NFIA: variants seen among roughly 807,000 people sequenced by gnomAD.
NFIA encodes nuclear factor I A.
A neutral mutation model predicts 62.8 loss-of-function variants in NFIA; 8 were observed. That is an observed-to-expected ratio of 0.13 (90% CI 0.07 to 0.23). The LOEUF is 0.23. Among genes scored for constraint, NFIA ranks in the 10% least tolerant of loss-of-function variants. The pLI, the probability that NFIA is intolerant of heterozygous loss-of-function variation, is 1.00. For missense variants in NFIA, 410 were observed against 642.1 expected (o/e 0.64, Z 3.91); for synonymous variants, 235 against 238.1 (o/e 0.99, Z 0.12).
At chr1:61,329,720 A>G (rs1035700138) in intron 3 of NFIA, among the ~76,000 whole-genome samples, 22 of 152,160 alleles carry the variant, frequency 1.4e-4, no homozygotes, top group African/African-American at 5.3e-4. Context: ...GAAGGTGGGA[A>G]CTGTATCTTG....
intron 2 of NFIA, among the ~76,000 whole-genome samples, chr1:61,258,895 T>C (rs1656587467): frequency 6.6e-6 from 1 of 151,946 alleles, no homozygotes; most frequent in Admixed American, 6.6e-5. Context: ...ACCCAGCTAA[T>C]TTTTTTGTAG....
In NFIA at chr1:61,403,524, A is replaced by G. The variant is rs115710456; in HGVS notation, c.1076-580A>G. 3.4e-3 allele frequency among the ~76,000 whole-genome samples: 524 copies of G among 152,290 alleles called. 2 individuals carry two copies. Among genetic ancestry groups the G allele is most frequent in the African/African-American group, 0.012 (510 of 41,556 alleles). On this transcript the variant is annotated intron_variant, in intron 7 of 10. Transcript: ENST00000403491. ...GTGCATTTCTGAGTTTGTCTTTGAA[A>G]TGGCATCTGAAGGCGACATAAACCA...
At chr1:61,191,454 G>T (rs1373151989) in intron 2 of NFIA, among the ~76,000 whole-genome samples, 2 of 150,156 alleles carry the variant, frequency 1.3e-5, no homozygotes, top group Admixed American at 6.7e-5. Context: ...CTCTAGCCTG[G>T]TTTTTTTTTG....
intron 2 of NFIA, among the ~76,000 whole-genome samples, chr1:61,186,633 A>T (rs1420292172): frequency 6.6e-6 from 1 of 152,232 alleles, no homozygotes; most frequent in Non-Finnish European, 1.5e-5. Flanking sequence ...TAGACAGCAA[A>T]GATGCCTTAT....
chr1:61,426,416 G>T, intron 9 of NFIA, 49 bp from the exon 10 acceptor site: 7 of 1,248,426 alleles, frequency 5.6e-6, no homozygotes, highest in Non-Finnish European at 8.0e-6. Context: ...TTGTTTGTGT[G>T]TGCAATCTCG....
At chr1:61,081,771 A>G (rs1029302858), upstream of NFIA, 4 of 1,174,704 alleles carry the variant, frequency 3.4e-6, no homozygotes, top group African/African-American at 3.1e-5. Context: ...TGAATGCCAC[A>G]GGACCGAAGC....
intron 4 of NFIA, among the ~76,000 whole-genome samples, chr1:61,349,173 GA>G (rs1365542318): frequency 6.6e-6 from 1 of 151,966 alleles, no homozygotes; most frequent in Admixed American, 6.6e-5. Context: ...GCAAATTAGG[GA>G]ATGACTATCA....
At chr1:61,116,241 C>T (rs1218084333) in intron 2 of NFIA, among the ~76,000 whole-genome samples, 1 of 152,126 alleles carries the variant, frequency 6.6e-6, no homozygotes, top group African/African-American at 2.4e-5. Context: ...CCCTTGTATA[C>T]AGTGAAAATG....
chr1:61,082,082 G>A, upstream of NFIA: 1 of 1,530,148 alleles, frequency 6.5e-7, no homozygotes, highest in East Asian at 2.5e-5. Context: ...TGGGGGGATG[G>A]GGACGAGGAA....
chr1:61,126,421 GT>G lies in NFIA; in HGVS notation c.559+37749del, dbSNP rs577418984. On this transcript the variant is annotated intron_variant, in intron 2 of 10. Coordinates refer to ENST00000403491, the MANE Select transcript of NFIA (RefSeq NM_001134673.4). ...GCCTCTGCCATCTTTTACCTAGTTG[GT>G]TTTTTTTGAAAATGAACACACACAC... Among the ~76,000 whole-genome samples, 23 of 84,566 alleles carry G rather than the reference GT, an allele frequency of 2.7e-4. No homozygotes were observed. In the Admixed American group the frequency reaches 2.8e-3, roughly 10 times the overall value. The allele number at this position is 84,566 out of a possible 152,430, so 55.5% of individuals were successfully genotyped here.
rs988879856 is a variant in NFIA, at chr1:61,264,101, G to C, written c.560-13419G>C. On this transcript the variant is annotated intron_variant, in intron 2 of 10. Coordinates refer to ENST00000403491, the MANE Select transcript of NFIA (RefSeq NM_001134673.4). ...GAATAATGCTTTGCACACAGTAGGT[G>C]ATAACAAATGTTTGAGGCCCTGACA... Among the ~76,000 whole-genome samples the C allele has an allele frequency of 2.0e-5, 3 of 152,170 alleles. No homozygotes were observed. In the East Asian group the frequency reaches 5.8e-4, roughly 29 times the overall value.
chr1:61,092,688 G>A (rs1262692003), intron 2 of NFIA, among the ~76,000 whole-genome samples: 3 of 152,080 alleles, frequency 2.0e-5, no homozygotes, highest in Non-Finnish European at 4.4e-5. Context: ...TTCCATTTCA[G>A]CCAAAAGAGA....
chr1:61,117,816 A>T (rs903826607), intron 2 of NFIA, among the ~76,000 whole-genome samples: 3 of 152,136 alleles, frequency 2.0e-5, no homozygotes, highest in Non-Finnish European at 4.4e-5. Flanking sequence ...TGTAGCCTCA[A>T]ATTTTCTATA....
intron 3 of NFIA, among the ~76,000 whole-genome samples, chr1:61,312,342 A>G (rs1660162459): frequency 1.3e-5 from 2 of 152,210 alleles, no homozygotes; most frequent in South Asian, 4.1e-4. Flanking sequence ...CCTCAGGTAA[A>G]AACACAGATA....
chr1:61,317,375 T>A (rs1372646823), intron 3 of NFIA, among the ~76,000 whole-genome samples: 3 of 152,084 alleles, frequency 2.0e-5, no homozygotes, highest in African/African-American at 7.2e-5. Flanking sequence ...TTGGCCTCTA[T>A]AGATATTCAA....
At chr1:61,200,044 A>ATATATG (rs1652350042) in intron 2 of NFIA, among the ~76,000 whole-genome samples, 2 of 50,272 alleles carry the variant, frequency 4.0e-5, no homozygotes, top group African/African-American at 2.5e-4. Flanking sequence ...ATATATATAT[A>ATATATG]TATATATATA....
chr1:61,123,952 C>A (rs1646928899), intron 2 of NFIA, among the ~76,000 whole-genome samples: 1 of 152,148 alleles, frequency 6.6e-6, no homozygotes, highest in African/African-American at 2.4e-5. Flanking sequence ...CAGCTTTTAT[C>A]AAATTATTTA....
chr1:61,136,333 T>C (rs1278362278), intron 2 of NFIA, among the ~76,000 whole-genome samples: 3 of 152,214 alleles, frequency 2.0e-5, no homozygotes, highest in Non-Finnish European at 4.4e-5. Flanking sequence ...AGATGGGGTT[T>C]AGGTCCTCAT....
chr1:61,314,213 C>A (rs890893214), intron 3 of NFIA, among the ~76,000 whole-genome samples: 2 of 152,090 alleles, frequency 1.3e-5, no homozygotes, highest in Non-Finnish European at 2.9e-5. Context: ...GTTTAATGCC[C>A]CCCTCTGTGC....
Sources: gnomAD v4.1 joint callset for allele counts (sites outside exome capture counted in the v4.1 genomes callset) on GRCh38, gnomAD v4.1.1 for gene constraint, MANE v1.5 for transcripts, NCBI Gene and HGNC (gene_info 2026-07-23, HGNC 2026-07-21) for gene names.